Variants in PCDH7 observed in about 807,000 individuals in gnomAD.
The protein encoded by PCDH7 is protocadherin 7, also known as protocadherin-7.
A neutral mutation model predicts 58.9 loss-of-function variants in PCDH7; 17 were observed. The ratio of observed to expected loss-of-function variants is 0.29; its 90% CI spans 0.20 to 0.43. The LOEUF (loss-of-function observed/expected upper bound fraction) is 0.43. Ranked by LOEUF, PCDH7 falls within the 20% of genes least tolerant of loss-of-function variation. PCDH7 has a pLI of 1.00. For missense variants in PCDH7, 1,274 were observed against 1,441.0 expected (o/e 0.88, Z 1.88); for synonymous variants, 664 against 616.4 (o/e 1.08, Z -1.14).
chr4:31,077,391 A>T (rs180870435), intron 3 of PCDH7, among the ~76,000 whole-genome samples: 2,696 of 150,460 alleles, frequency 0.018, 75 homozygotes, highest in African/African-American at 0.063. Flanking sequence ...CCTGGGCAAC[A>T]AGAGCGAAAC....
intron 3 of PCDH7, among the ~76,000 whole-genome samples, chr4:31,029,727 C>T (rs1001360437): frequency 1.3e-5 from 2 of 152,150 alleles, no homozygotes; most frequent in East Asian, 1.9e-4. Context: ...ATGAAGAATC[C>T]GGGCAACATT....
chr4:30,749,800 G>A (rs1359215521), intron 1 of PCDH7, among the ~76,000 whole-genome samples: 1 of 152,086 alleles, frequency 6.6e-6, no homozygotes, highest in Non-Finnish European at 1.5e-5. Context: ...TGTTTATAAG[G>A]CCAGTGCAGT....
intron 3 of PCDH7, among the ~76,000 whole-genome samples, chr4:30,995,613 T>C (rs1251511398): frequency 6.6e-6 from 1 of 152,168 alleles, no homozygotes; most frequent in Non-Finnish European, 1.5e-5. Context: ...GCACATTTAT[T>C]ATCTTACAGT....
rs549412584 is a variant in PCDH7 at position 30,750,481 on chromosome 4, C to G, written c.70+25885C>G. ...TAGACTCAACCATTAATCCCTCTCT[C>G]AAACTAACATTCAACTCTGTGAATC... On this transcript the variant is annotated intron_variant, in intron 1 of 3. Transcript: ENST00000509759. Among the ~76,000 whole-genome samples, 3 of 152,182 alleles carry G rather than the reference C, an allele frequency of 2.0e-5. No homozygotes were observed. The East Asian group carries it at 5.8e-4, about 29-fold the overall frequency.
intron 1 of PCDH7, among the ~76,000 whole-genome samples, chr4:30,835,775 A>G (rs1394710887): frequency 1.3e-5 from 2 of 152,214 alleles, no homozygotes; most frequent in African/African-American, 4.8e-5. Flanking sequence ...TCCAGAGATG[A>G]TGTAATTACT....
intron 3 of PCDH7, among the ~76,000 whole-genome samples, chr4:31,036,493 T>C (rs1755425296): frequency 6.6e-6 from 1 of 152,148 alleles, no homozygotes; most frequent in Non-Finnish European, 1.5e-5. Context: ...CAGCCTGTAG[T>C]TCTTGAAGTA....
intron 3 of PCDH7, among the ~76,000 whole-genome samples, chr4:31,011,204 C>A (rs941513811): frequency 2.0e-5 from 3 of 151,908 alleles, no homozygotes; most frequent in Non-Finnish European, 4.4e-5. Flanking sequence ...ATAGATAGAT[C>A]ATTCATAAAA....
intron 1 of PCDH7, among the ~76,000 whole-genome samples, chr4:30,876,749 A>C (rs1736337517): frequency 2.0e-5 from 3 of 151,910 alleles, no homozygotes; most frequent in Non-Finnish European, 4.4e-5. Context: ...CATTACTATT[A>C]TTTTTTACTT....
chr4:31,052,941 C>T (rs1756875549), intron 3 of PCDH7, among the ~76,000 whole-genome samples: 1 of 151,858 alleles, frequency 6.6e-6, no homozygotes, highest in Non-Finnish European at 1.5e-5. Context: ...TTTCTTTACC[C>T]CCTTTTAAGT....
At chr4:31,067,586 G>T (rs891163886) in intron 3 of PCDH7, among the ~76,000 whole-genome samples, 1 of 151,920 alleles carries the variant, frequency 6.6e-6, no homozygotes, top group East Asian at 1.9e-4. Flanking sequence ...AATAGAGAAA[G>T]AGCAGCCAGT....
intron 3 of PCDH7, among the ~76,000 whole-genome samples, chr4:31,121,001 C>A (rs1178516875): frequency 6.6e-6 from 1 of 152,082 alleles, no homozygotes; most frequent in Non-Finnish European, 1.5e-5. Flanking sequence ...TTTGTGTGCC[C>A]AAAGCTATCC....
At position 30,721,387 on chromosome 4, in the gene PCDH7, G is replaced by A; in HGVS notation, c.-36G>A. ...AGGAGGGGGGCGCCGAGGGGGCTGT[G>A]GTTAGAAGGAGCAGTAGCAGCAGCA... is the stretch of plus-strand genomic sequence containing the variant. On this transcript the variant is annotated 5_prime_UTR_variant, in exon 1 of 2. It introduces an in-frame stop codon into an upstream open reading frame of the 5' UTR. Coordinates refer to ENST00000361762, the Ensembl canonical transcript of PCDH7. This position sits in a 1 kb window ranked among gnomAD's most constrained non-coding sequence, Gnocchi z 6.7. 3 of 1,452,464 alleles carry A rather than the reference G, an allele frequency of 2.1e-6. No individual in the cohort carries two copies. The highest frequency in any genetic ancestry group is 2.7e-6 in the Non-Finnish European group (3 of 1,104,186). The allele number at this position is 1,452,464 out of a possible 1,614,324, so 90.0% of individuals were successfully genotyped here.
At chr4:31,038,953 C>A (rs1440595006) in intron 3 of PCDH7, among the ~76,000 whole-genome samples, 1 of 152,114 alleles carries the variant, frequency 6.6e-6, no homozygotes, top group South Asian at 2.1e-4. Flanking sequence ...GGAATGACAG[C>A]AGTAACTTAC....
At chr4:30,757,809 A>G (rs1197527807) in intron 1 of PCDH7, among the ~76,000 whole-genome samples, 1 of 152,176 alleles carries the variant, frequency 6.6e-6, no homozygotes, top group Non-Finnish European at 1.5e-5. Flanking sequence ...TGAATACCCA[A>G]CGTTGCATAC....
chr4:31,095,416 C>A (rs902776439), intron 3 of PCDH7, among the ~76,000 whole-genome samples: 2 of 152,198 alleles, frequency 1.3e-5, no homozygotes. Context: ...GACTTACTGA[C>A]CCCAGAACTG....
chr4:30,839,405 T>C (rs1172968299), intron 1 of PCDH7, among the ~76,000 whole-genome samples: 4 of 152,140 alleles, frequency 2.6e-5, no homozygotes, highest in Non-Finnish European at 1.5e-5. Context: ...CTGCAAAATA[T>C]GCTAAATACC....
At chr4:30,961,141 G>A (rs966495708) in intron 3 of PCDH7, among the ~76,000 whole-genome samples, 3 of 152,066 alleles carry the variant, frequency 2.0e-5, no homozygotes, top group African/African-American at 7.2e-5. Flanking sequence ...TTATGGGAAT[G>A]TGTGTAAAGT....
chr4:30,767,479 C>T (rs1720901563), intron 1 of PCDH7, among the ~76,000 whole-genome samples: 2 of 152,178 alleles, frequency 1.3e-5, no homozygotes, highest in South Asian at 2.1e-4. Context: ...CTTCACAGCC[C>T]GGGTATGTCT....
chr4:30,725,486 A>G (rs774131764), intron 1 of PCDH7, among the ~76,000 whole-genome samples: 1 of 152,188 alleles, frequency 6.6e-6, no homozygotes, highest in Non-Finnish European at 1.5e-5. Context: ...TAAAAAATAC[A>G]TATATTCTGA....
Sources: allele counts gnomAD v4.1 joint callset (sites outside exome capture counted in the v4.1 genomes callset), GRCh38; gene constraint gnomAD v4.1.1; non-coding constraint Gnocchi (gnomAD v3.1); transcripts MANE v1.5; gene names NCBI Gene and HGNC (gene_info 2026-07-23, HGNC 2026-07-21).